The following RANBP9 variants were observed in gnomAD, a reference collection of about 807,000 sequenced individuals.
RANBP9 encodes ran-binding protein 9.
Under a neutral mutation model 84.3 loss-of-function variants are expected in RANBP9, and 15 were observed. The observed-to-expected ratio is 0.18, with a 90% confidence interval of 0.12 to 0.27. The LOEUF (loss-of-function observed/expected upper bound fraction) is 0.27. Ranked by LOEUF, RANBP9 falls within the 10% of genes least tolerant of loss-of-function variation. The probability of loss-of-function intolerance (pLI) is 1.00; values close to 1 mark genes in which losing one functional copy is unlikely to be tolerated. For synonymous variants in RANBP9, 392 were observed against 349.6 expected (o/e 1.12, Z -1.35); for missense variants, 809 against 912.8 (o/e 0.89, Z 1.46).
chr6:13,696,671 CCA>C, intron 2 of RANBP9, 112 bp downstream of exon 2: 1 of 778,276 alleles, frequency 1.3e-6, no homozygotes, highest in Non-Finnish European at 2.0e-6. Context: ...TATTCAGATT[CCA>C]CTTTTCCAAT....
intron 1 of RANBP9, among the ~76,000 whole-genome samples, chr6:13,698,496 A>G (rs1478481372): frequency 5.9e-5 from 9 of 152,362 alleles, no homozygotes; most frequent in Non-Finnish European, 1.2e-4. Flanking sequence ...TGGAAACTAC[A>G]TATTTAAAAA....
At chr6:13,634,630 C>T in intron 10 of RANBP9, 78 bp from the exon 11 acceptor site, 3 of 1,284,206 alleles carry the variant, frequency 2.3e-6, no homozygotes, top group Non-Finnish European at 3.2e-6. Context: ...TACTGAACTA[C>T]ATAGCCTACG....
At chr6:13,657,484 A>G (rs182049655) in intron 3 of RANBP9, among the ~76,000 whole-genome samples, 1 of 152,340 alleles carries the variant, frequency 6.6e-6, no homozygotes, top group African/African-American at 2.4e-5. Context: ...GCTACACAGA[A>G]CACTAAAACA....
intron 2 of RANBP9, among the ~76,000 whole-genome samples, chr6:13,683,718 T>C (rs1766099374): frequency 6.6e-6 from 1 of 152,078 alleles, no homozygotes; most frequent in South Asian, 2.1e-4. Flanking sequence ...TTTGTTTATT[T>C]GATTTTCCCT....
At chr6:13,708,535 G>A (rs1398999489) in intron 1 of RANBP9, among the ~76,000 whole-genome samples, 3 of 152,016 alleles carry the variant, frequency 2.0e-5, no homozygotes, top group Non-Finnish European at 4.4e-5. Context: ...TCGTCACTCT[G>A]GAAAATAATT....
intron 2 of RANBP9, among the ~76,000 whole-genome samples, chr6:13,690,564 A>T (rs1766299488): frequency 6.6e-6 from 1 of 152,216 alleles, no homozygotes; most frequent in African/African-American, 2.4e-5. Context: ...GAGAGACTGA[A>T]TTACTTGCCA....
chr6:13,665,302 A>T (rs1269376250), intron 2 of RANBP9, among the ~76,000 whole-genome samples: 1 of 152,190 alleles, frequency 6.6e-6, no homozygotes, highest in Non-Finnish European at 1.5e-5. Flanking sequence ...GACATAGATG[A>T]TCCAATTTTC....
Position 13,711,050 on chromosome 6 carries a change from C to T in RANBP9, c.456G>A (p.Lys152=), listed in dbSNP as rs1166625625. 5 of 1,585,068 alleles carry T rather than the reference C, an allele frequency of 3.2e-6. No individual in the cohort carries two copies. The highest frequency in any genetic ancestry group is 2.3e-5 in the East Asian group (1 of 43,188). ...GTTCGTCCACGGCCGGGTAGAGACG[C>T]TTCAGCCGCCGCTGCAACTCCTTCT... ...EQEKELQRRL[K]RLYPAVDEQE... Residue 152 remains lysine (K), a synonymous_variant, in exon 1 of 14, where the codon AAG becomes AAA. Coordinates refer to ENST00000011619, the MANE Select transcript of RANBP9 (RefSeq NM_005493.3).
chr6:13,658,242 T>TA (rs1397834491), intron 3 of RANBP9, among the ~76,000 whole-genome samples: 1 of 151,794 alleles, frequency 6.6e-6, no homozygotes, highest in African/African-American at 2.4e-5. Context: ...CTTAAAAATA[T>TA]AAAAATACAA....
At chr6:13,653,601 T>C (rs1286307314) in intron 4 of RANBP9, among the ~76,000 whole-genome samples, 4 of 152,130 alleles carry the variant, frequency 2.6e-5, no homozygotes, top group African/African-American at 9.7e-5. Flanking sequence ...GGAATTTCCA[T>C]TAAATTGTTT....
chr6:13,669,569 G>A (rs1765726632), intron 2 of RANBP9, among the ~76,000 whole-genome samples: 1 of 152,154 alleles, frequency 6.6e-6, no homozygotes, highest in Non-Finnish European at 1.5e-5. Flanking sequence ...AGAAACTCTT[G>A]TATTCACGAT....
At chr6:13,690,893 T>C (rs1766307327) in intron 2 of RANBP9, among the ~76,000 whole-genome samples, 1 of 152,066 alleles carries the variant, frequency 6.6e-6, no homozygotes, top group African/African-American at 2.4e-5. Flanking sequence ...GGGCCAGGCA[T>C]GGTGGCTCAC....
intron 2 of RANBP9, among the ~76,000 whole-genome samples, chr6:13,694,184 G>A (rs149841211): frequency 7.9e-4 from 121 of 152,250 alleles, no homozygotes; most frequent in African/African-American, 2.5e-3. Context: ...ATACTTACTC[G>A]TGAAAAGAAA....
At chr6:13,657,343 A>C in intron 3 of RANBP9, 67 bp from the exon 4 acceptor site, 4 of 1,348,478 alleles carry the variant, frequency 3.0e-6, no homozygotes, top group Non-Finnish European at 4.1e-6. Context: ...TTTATTCACT[A>C]AGATTATGAT....
Position 13,711,273 on chromosome 6 carries a change from G to A in RANBP9, c.233C>T (p.Ala78Val). 1.3e-5 allele frequency: 13 copies of A among 989,346 alleles called. No homozygotes were observed. The highest frequency in any genetic ancestry group is 1.6e-5 in the Non-Finnish European group (13 of 833,754). The allele number at this position is 989,346 out of a possible 1,614,324, so 61.3% of individuals were successfully genotyped here. ...CGGCGGGGGCGGCGGGGCCGCGGTGGCCGGGGGCGGCGGCGGCGGAGGGTG... is the reference window on the plus strand; with the variant it reads ...CGGCGGGGGCGGCGGGGCCGCGGTGACCGGGGGCGGCGGCGGCGGAGGGTG... ...LLHPPPPPPPATAAPPPPPPP... is the reference protein window; with the variant it reads ...LLHPPPPPPPVTAAPPPPPPP... Residue 78 changes from alanine (A) to valine (V), a missense_variant, in exon 1 of 14, where the codon GCC becomes GTC. By Grantham distance (64) the Ala-to-Val change is moderately conservative. This residue lies in a region of RANBP9 where 302 missense variants were observed against 240.1 expected (regional missense o/e 1.26). Transcript: ENST00000011619.
intron 2 of RANBP9, among the ~76,000 whole-genome samples, chr6:13,684,190 T>C (rs930107967): frequency 1.3e-5 from 2 of 152,222 alleles, no homozygotes; most frequent in Admixed American, 6.5e-5. Context: ...CTACACAACA[T>C]GGATATAGCA....
chr6:13,666,628 A>AAAAAAAAAAAAAAAAAT (rs1765655659), intron 2 of RANBP9, among the ~76,000 whole-genome samples: 1 of 129,432 alleles, frequency 7.7e-6, no homozygotes, highest in Admixed American at 8.1e-5. Flanking sequence ...AAAAAAAAAA[A>AAAAAAAAAAAAAAAAAT]GATTGGCAGG....
rs1758108650 is a variant in RANBP9 at position 13,706,027 on chromosome 6, C to CT, written c.571+4907dup. Among the ~76,000 whole-genome samples the CT allele has an allele frequency of 2.0e-5, 3 of 152,060 alleles. No individual in the cohort carries two copies. In the South Asian group the frequency reaches 6.2e-4, roughly 31 times the overall value. On this transcript the variant is annotated intron_variant, in intron 1 of 13. Coordinates refer to ENST00000011619, the MANE Select transcript of RANBP9 (RefSeq NM_005493.3). Reference sequence around the variant, plus strand: ...TTAGGAAGTGTTCAAGCGCTAATGACTGGGGGTACAGGTGGGAAAGACAGA... The same window carrying CT: ...TTAGGAAGTGTTCAAGCGCTAATGACTTGGGGGTACAGGTGGGAAAGACAGA...
At chr6:13,633,697 C>G (rs919628712) in intron 11 of RANBP9, among the ~76,000 whole-genome samples, 1 of 152,116 alleles carries the variant, frequency 6.6e-6, no homozygotes, top group Non-Finnish European at 1.5e-5. Context: ...AAGAGTAAAA[C>G]AAAGCTGCAT....
Sources: gnomAD v4.1 joint callset for allele counts (sites outside exome capture counted in the v4.1 genomes callset) on GRCh38, gnomAD v4.1.1 for gene constraint, gnomAD v4.1.1 regional missense constraint, MANE v1.5 for transcripts, NCBI Gene and HGNC (gene_info 2026-07-23, HGNC 2026-07-21) for gene names.